GALNS: variants seen among roughly 807,000 people sequenced by gnomAD.
GALNS encodes the protein N-acetylgalactosamine-6-sulfatase.
GALNS carries 65 observed loss-of-function variants against 65.9 expected under a neutral mutation model. The ratio of observed to expected loss-of-function variants is 0.99; its 90% CI spans 0.81 to 1.21. The LOEUF (loss-of-function observed/expected upper bound fraction) is 1.21. GALNS is among the 50% of genes most tolerant of loss of function. GALNS has a pLI of 0.00. For synonymous variants in GALNS, 346 were observed against 288.9 expected, an observed-to-expected ratio of 1.20 and a Z score of -2.00; for missense variants, 776 against 700.7, an observed-to-expected ratio of 1.11 and a Z score of -1.21.
chr16:88,822,521 T>C, intron 12 of GALNS, 68 bp downstream of exon 12: 1 of 1,600,684 alleles, frequency 6.2e-7, no homozygotes, highest in Non-Finnish European at 8.5e-7. Flanking sequence ...TCTGTCCCTG[T>C]GGAGCCTGCA....
rs1336829378 is a variant in GALNS at position 88,835,867 on chromosome 16, C to G, written c.634-18G>C. 5 of 1,613,730 alleles carry G rather than the reference C, an allele frequency of 3.1e-6. No homozygotes were observed. The highest frequency in any genetic ancestry group is 4.2e-6 in the Non-Finnish European group (5 of 1,180,008). On this transcript the variant is annotated intron_variant, in intron 6 of 13. Transcript: ENST00000268695. ...AGGGCTTCCTATGGAGAGAGCCACACCGTCGTCCTCCAGCCTCAGGCCGAC... is the reference window on the plus strand; with the variant it reads ...AGGGCTTCCTATGGAGAGAGCCACAGCGTCGTCCTCCAGCCTCAGGCCGAC...
chr16:88,821,267 G>A (rs11866837), intron 12 of GALNS, among the ~76,000 whole-genome samples: 6,130 of 152,218 alleles, frequency 0.04, 344 homozygotes, highest in African/African-American at 0.12. Flanking sequence ...AGTGGCCCCA[G>A]GTGAGCCGAG....
chr16:88,853,747 C>T (rs192688328), intron 1 of GALNS, among the ~76,000 whole-genome samples: 36 of 152,290 alleles, frequency 2.4e-4, no homozygotes, highest in Admixed American at 1.3e-3. Flanking sequence ...CAGGGTACTA[C>T]GAAGCCAGGC....
rs112512112 is a variant in GALNS, at chr16:88,851,828, G to A, written c.120+4930C>T. On this transcript the variant is annotated intron_variant, in intron 1 of 13. Transcript: ENST00000268695. ...GGGAGGGGCGTCCGCCATTGCTGAGGCTTGAGTAGGTAAACAAAGCGGCAG... is the reference window on the plus strand; with the variant it reads ...GGGAGGGGCGTCCGCCATTGCTGAGACTTGAGTAGGTAAACAAAGCGGCAG... 3.6e-3 allele frequency among the ~76,000 whole-genome samples: 550 copies of A among 152,382 alleles called. 2 individuals are homozygous for A. Among genetic ancestry groups the A allele is most frequent in the African/African-American group, 0.012 (515 of 41,598 alleles).
In GALNS at chr16:88,816,820, G is replaced by A. The variant is rs547520131; in HGVS notation, c.1482+1187C>T. ...CTGGGCCTTTTCGCCCGCACAGCAG[G>A]AGCCCAGGCTGAAGTCTGCAGCTGC... On this transcript the variant is annotated intron_variant, in intron 13 of 13. Transcript: ENST00000268695. 3.0e-6 allele frequency: 3 copies of A among 985,460 alleles called. No homozygotes were observed. The East Asian group carries it at 3.4e-4, about 112-fold the overall frequency. The allele number at this position is 985,460 out of a possible 1,614,324, so 61.0% of individuals were successfully genotyped here.
At chr16:88,837,530 C>T (rs1024372804) in intron 5 of GALNS, 92 bp downstream of exon 5, 41 of 1,360,564 alleles carry the variant, frequency 3.0e-5, no homozygotes, top group African/African-American at 2.8e-4. Flanking sequence ...TCATGAGTGG[C>T]GACTTGAGCC....
intron 13 of GALNS, chr16:88,815,677 G>A: frequency 1.0e-6 from 1 of 985,496 alleles, no homozygotes; most frequent in Non-Finnish European, 1.2e-6. Flanking sequence ...TCCGGGGACA[G>A]ACTTTGGATT....
chr16:88,814,713 C>T (rs1413003009), intron 13 of GALNS, 188 bp from the exon 14 acceptor site: 9 of 426,008 alleles, frequency 2.1e-5, no homozygotes, highest in Non-Finnish European at 3.1e-6. Flanking sequence ...CCTGCCTCAG[C>T]CTCCTGAGTG....
At chr16:88,839,105 GCGTCCACGTCCGCAGGTCAC>G (rs879685443) in intron 4 of GALNS, among the ~76,000 whole-genome samples, 13 of 152,202 alleles carry the variant, frequency 8.5e-5, no homozygotes, top group African/African-American at 2.4e-4. Flanking sequence ...GGACACTCGT[GCGTCCACGTCCGCAGGTCAC>G]CGCCCAACCA....
In GALNS at chr16:88,856,841, G is replaced by A. The variant is rs750299900; in HGVS notation, c.37C>T (p.Leu13=). 1 of 1,518,554 alleles carries A rather than the reference G, an allele frequency of 6.6e-7. No homozygotes were observed. Among genetic ancestry groups the A allele is most frequent in the Non-Finnish European group, 8.8e-7 (1 of 1,142,498 alleles). 94.1% of individuals were successfully genotyped at this position (1,518,554 alleles called of 1,614,324 possible). ...CCCGCGGCGCTGAGCACCAGCAACA[G>A]CTGCCACCACCTCGTCGCCGCGACA... is the stretch of plus-strand genomic sequence containing the variant. ...AVVAATRWWQ[L]LLVLSAAGMG... Residue 13 remains leucine, a synonymous_variant, in exon 1 of 14, where the codon CTG becomes TTG. Coordinates refer to ENST00000268695, the MANE Select transcript of GALNS (RefSeq NM_000512.5).
At chr16:88,822,988 G>A (rs1041917404) in intron 11 of GALNS, among the ~76,000 whole-genome samples, 2 of 152,212 alleles carry the variant, frequency 1.3e-5, no homozygotes, top group African/African-American at 4.8e-5. Context: ...CTCTGGGCCC[G>A]AGATGCGTAG....
chr16:88,832,761 G>A (rs555401928), intron 8 of GALNS, among the ~76,000 whole-genome samples: 2 of 152,138 alleles, frequency 1.3e-5, no homozygotes, highest in Non-Finnish European at 1.5e-5. Flanking sequence ...TGAATAAAAG[G>A]GAAAAAGGAA....
intron 4 of GALNS, 89 bp from the exon 5 acceptor site, chr16:88,837,854 T>G: frequency 6.9e-7 from 1 of 1,440,208 alleles, no homozygotes; most frequent in Non-Finnish European, 9.7e-7. Flanking sequence ...TTCACAAAAT[T>G]CTTGGTAAGA....
intron 2 of GALNS, 80 bp from the exon 3 acceptor site, chr16:88,842,051 G>T: frequency 8.0e-7 from 1 of 1,245,686 alleles, no homozygotes; most frequent in Non-Finnish European, 1.2e-6. Context: ...GCCCCAACGA[G>T]TAGACAGACG....
intron 1 of GALNS, among the ~76,000 whole-genome samples, chr16:88,851,237 G>C (rs748134393): frequency 6.6e-6 from 1 of 152,182 alleles, no homozygotes; most frequent in Non-Finnish European, 1.5e-5. Context: ...AAAAGGGCTG[G>C]ATCCAGTGGT....
At chr16:88,856,347 C>T (rs1406019348) in intron 1 of GALNS, 12 of 702,378 alleles carry the variant, frequency 1.7e-5, no homozygotes, top group East Asian at 2.7e-5. Context: ...GCAGCCTCTT[C>T]CTCCCTTTGG....
At chr16:88,839,221 G>A (rs1263932583) in intron 4 of GALNS, among the ~76,000 whole-genome samples, 2 of 140,974 alleles carry the variant, frequency 1.4e-5, no homozygotes, top group African/African-American at 2.6e-5. Flanking sequence ...GTCACCGCCC[G>A]GCCACAGGGG....
chr16:88,832,508 C>T (rs1230864530), intron 8 of GALNS, among the ~76,000 whole-genome samples: 1 of 152,214 alleles, frequency 6.6e-6, no homozygotes. Flanking sequence ...ATGGTTCTGA[C>T]TCAGTCAGTC....
Position 88,818,144 on chromosome 16 carries a change from G to T in GALNS, c.1365-20C>A. 2 of 1,557,980 alleles carry T rather than the reference G, an allele frequency of 1.3e-6. No homozygotes were observed. Among genetic ancestry groups the T allele is most frequent in the Non-Finnish European group, 1.7e-6 (2 of 1,155,452 alleles). Reference sequence around the variant, plus strand: ...GCAAAGCTGGGGACAGAGAGCTCTGGTCACACGGCTGGGGCTGACAGCGAA... The same window carrying T: ...GCAAAGCTGGGGACAGAGAGCTCTGTTCACACGGCTGGGGCTGACAGCGAA... On this transcript the variant is annotated intron_variant, in intron 12 of 13. Transcript: ENST00000268695.
Sources: allele counts gnomAD v4.1 joint callset (sites outside exome capture counted in the v4.1 genomes callset), GRCh38; gene constraint gnomAD v4.1.1; transcripts MANE v1.5; gene names NCBI Gene and HGNC (gene_info 2026-07-23, HGNC 2026-07-21).